Variants in USP26 observed in about 807,000 individuals in gnomAD.
USP26 encodes the protein ubiquitin specific peptidase 26.
For missense variants in USP26, 649 were observed against 642.3 expected (o/e 1.01, Z -0.11); for synonymous variants, 236 against 240.6 (o/e 0.98, Z 0.18).
At chrX:133,058,421 G>T (rs1186447549) in intron 5 of USP26, among the ~76,000 whole-genome samples, 1 of 111,629 alleles carries the variant, frequency 9.0e-6, no homozygotes, top group Non-Finnish European at 1.9e-5. Flanking sequence ...TCTTCTTGCA[G>T]TTCTATCAGC....
chrX:133,067,931 A>G (rs148043192), intron 5 of USP26, among the ~76,000 whole-genome samples: 62 of 112,235 alleles, frequency 5.5e-4, no homozygotes, highest in African/African-American at 1.9e-3. Flanking sequence ...GAATTAAAAA[A>G]ATAGATAAAG....
intron 1 of USP26, among the ~76,000 whole-genome samples, chrX:133,093,071 A>G (rs1396967678): frequency 9.0e-6 from 1 of 111,254 alleles, no homozygotes; most frequent in Non-Finnish European, 1.9e-5. Flanking sequence ...AGCCTGGGCA[A>G]CATGGCAAAA....
In USP26 at chrX:133,028,060, T is replaced by A; in HGVS notation, c.161A>T (p.Asp54Val). 1 of 1,210,666 alleles carries A rather than the reference T, an allele frequency of 8.3e-7. No individual in the cohort carries two copies. Among genetic ancestry groups the A allele is most frequent in the Non-Finnish European group, 1.1e-6 (1 of 894,752 alleles). Reference protein sequence around the residue: ...SGKYSTFRLSDNIQNVVLKSY... With the variant: ...SGKYSTFRLSVNIQNVVLKSY... ...TTTAAGGACTACATTTTGAATATTA[T>A]CACTTAGCCGAAAAGTGCTATATTT... Residue 54 changes from aspartate (D) to valine (V), a missense_variant, in exon 6 of 6, where the codon GAT becomes GTT. Physicochemically the swap from Asp to Val is radical, Grantham distance 152 (BLOSUM62 -3). Transcript: ENST00000511190.
intron 5 of USP26, among the ~76,000 whole-genome samples, chrX:133,073,012 T>C (rs2067535383): frequency 8.9e-6 from 1 of 111,856 alleles, no homozygotes; most frequent in Non-Finnish European, 1.9e-5. Flanking sequence ...TAGAGTCCCT[T>C]TAAAACTAGG....
rs1192709903 is a variant in USP26, at chrX:133,026,804, T to G, written c.1417A>C (p.Lys473Gln). The G allele has an allele frequency of 8.3e-7, 1 of 1,211,393 alleles. No individual in the cohort carries two copies. The change falls in exon 6 of 6, where the codon AAA (lysine) becomes CAA (glutamine). Residue 473 changes from lysine to glutamine, a missense_variant. Lys to Gln is a moderately conservative substitution (Grantham distance 53, BLOSUM62 1). Transcript: ENST00000511190. ...GACTGAATAGATGAAGGATGTGCTTTTATTCTTTGGGGAAGGTTGATGGAG... is the reference window on the plus strand; with the variant it reads ...GACTGAATAGATGAAGGATGTGCTTGTATTCTTTGGGGAAGGTTGATGGAG... ...YLSINLPQRI[K>Q]AHPSSIQSTF...
chrX:133,026,667 A>G lies in USP26; in HGVS notation c.1554T>C (p.Ile518=). 1 of 1,210,315 alleles carries G rather than the reference A, an allele frequency of 8.3e-7. No individual in the cohort carries two copies. The highest frequency in any genetic ancestry group is 1.1e-6 in the Non-Finnish European group (1 of 895,017). Residue 518 remains isoleucine, a synonymous_variant, in exon 6 of 6, where the codon ATT becomes ATC. Transcript: ENST00000511190. ...TCAAGCTATAGCGTTTGAGGTGAAC[A>G]ATAAGGATTCTAGGTAGCCTACTGA... ...HSFSRLPRIL[I]VHLKRYSLNE... is the part of the protein sequence containing the mutation.
At chrX:133,036,877 G>T (rs1260969016) in intron 5 of USP26, among the ~76,000 whole-genome samples, 1 of 112,357 alleles carries the variant, frequency 8.9e-6, no homozygotes, top group Non-Finnish European at 1.9e-5. Context: ...ATTCTAACTG[G>T]CGTAAGATTG....
intron 5 of USP26, among the ~76,000 whole-genome samples, chrX:133,064,074 C>T (rs1908784544): frequency 9.0e-6 from 1 of 111,697 alleles, no homozygotes; most frequent in South Asian, 3.8e-4. Flanking sequence ...GCAGGGGTTG[C>T]CATCCTAGTC....
chrX:133,036,122 T>TTATATATA (rs56291269), intron 5 of USP26, among the ~76,000 whole-genome samples: 180 of 106,598 alleles, frequency 1.7e-3, no homozygotes, highest in Middle Eastern at 4.9e-3. Context: ...CTAAAAAAAA[T>TTATATATA]TATATATATA....
intron 5 of USP26, among the ~76,000 whole-genome samples, chrX:133,049,803 A>G (rs2067452665): frequency 8.9e-6 from 1 of 111,763 alleles, no homozygotes; most frequent in African/African-American, 3.3e-5. Context: ...GATGATGTTT[A>G]CTCCTCTGAA....
chrX:133,057,867 T>TATATATATATATA (rs1491099712), intron 5 of USP26, among the ~76,000 whole-genome samples: 19 of 8,224 alleles, frequency 2.3e-3, no homozygotes, highest in Admixed American at 3.7e-3. Context: ...TATATATATA[T>TATATATATATATA]TTTTTTTTTT....
At position 133,038,904 on chromosome X, in the gene USP26, T is replaced by C. The variant is rs772701321; in HGVS notation, c.-76-10608A>G. Among the ~76,000 whole-genome samples, 116 of 112,012 alleles carry C rather than the reference T, an allele frequency of 1.0e-3. No individual in the cohort carries two copies. The Middle Eastern group carries it at 0.014, about 13-fold the overall frequency. On this transcript the variant is annotated intron_variant, in intron 5 of 5. Coordinates refer to ENST00000511190, the MANE Select transcript of USP26 (RefSeq NM_031907.3). ...GTTTAGTCTTGGGAGGGTGTATGTG[T>C]CCAGGAATGTATCCGTTTCTTCTAG...
chrX:133,026,556 G>A lies in USP26; in HGVS notation c.1665C>T (p.Thr555=). The change falls in exon 6 of 6, where the codon ACC becomes ACT. Residue 555 remains threonine, a synonymous_variant. Coordinates refer to ENST00000511190, the MANE Select transcript of USP26 (RefSeq NM_031907.3). The stretch of plus-strand genomic sequence containing the variant: ...CCTCACTCAAGGGAAGAGGTGGTCT[G>A]GTGCCTTCATTGCAATGAGAAGACA... ...LKVSSHCNEG[T]RPPLPLSEDG... is the part of the protein sequence containing the mutation. 1 of 1,209,095 alleles carries A rather than the reference G, an allele frequency of 8.3e-7. No individual in the cohort carries two copies.
At chrX:133,096,768 G>A (rs1039366542) in intron 1 of USP26, among the ~76,000 whole-genome samples, 3 of 111,092 alleles carry the variant, frequency 2.7e-5, no homozygotes, top group Admixed American at 9.6e-5. Flanking sequence ...CGTGGCAGGC[G>A]CCTGTAATCC....
intron 1 of USP26, among the ~76,000 whole-genome samples, chrX:133,094,345 A>G (rs1253513654): frequency 9.0e-6 from 1 of 110,630 alleles, no homozygotes; most frequent in Non-Finnish European, 1.9e-5. Flanking sequence ...AGAAGGATCT[A>G]CTTCCATTTT....
At chrX:133,043,498 T>C (rs1343130947) in intron 5 of USP26, among the ~76,000 whole-genome samples, 1 of 112,796 alleles carries the variant, frequency 8.9e-6, no homozygotes, top group East Asian at 2.8e-4. Context: ...TGCTCTCTTG[T>C]CCTTACTGGT....
intron 5 of USP26, among the ~76,000 whole-genome samples, chrX:133,063,084 A>G (rs2067498824): frequency 2.7e-5 from 3 of 111,271 alleles, no homozygotes; most frequent in African/African-American, 9.8e-5. Context: ...TGAAGCATAC[A>G]CAAGTATCAA....
rs2067518282 is a variant in USP26 at position 133,068,087 on chromosome X, T to C, written c.-77+15620A>G. Among the ~76,000 whole-genome samples, 4 of 111,896 alleles carry C rather than the reference T, an allele frequency of 3.6e-5. No homozygotes were observed. In the South Asian group the frequency reaches 1.5e-3, roughly 42 times the overall value. On this transcript the variant is annotated intron_variant, in intron 5 of 5. Transcript: ENST00000511190. ...TATGTAACCATAAAAAAGAATGAAA[T>C]GATGTCCCTTGCAGCAATATGGATG...
chrX:133,067,112 A>G (rs2067514531), intron 5 of USP26, among the ~76,000 whole-genome samples: 1 of 112,707 alleles, frequency 8.9e-6, no homozygotes, highest in African/African-American at 3.2e-5. Context: ...CAGCCAACAG[A>G]CATATGAAAA....
Sources: gnomAD v4.1 joint callset for allele counts (sites outside exome capture counted in the v4.1 genomes callset) on GRCh38, gnomAD v4.1.1 for gene constraint, MANE v1.5 for transcripts, NCBI Gene and HGNC (gene_info 2026-07-23, HGNC 2026-07-21) for gene names.